The following RBMS3 variants were observed in gnomAD, a reference collection of about 807,000 sequenced individuals.
RBMS3 encodes the protein RNA-binding motif, single-stranded-interacting protein 3.
A neutral mutation model predicts 66.8 loss-of-function variants in RBMS3; 27 were observed. That is an observed-to-expected ratio of 0.40 (90% CI 0.30 to 0.56). The LOEUF is 0.56. RBMS3 is among the 20% of genes least tolerant of loss of function. RBMS3 has a pLI of 0.40. For synonymous variants in RBMS3, 188 were observed against 183.0 expected, an observed-to-expected ratio of 1.03 and a Z score of -0.22; for missense variants, 513 against 549.5, an observed-to-expected ratio of 0.93 and a Z score of 0.66.
intron 3 of RBMS3, among the ~76,000 whole-genome samples, chr3:29,520,752 A>C (rs941224785): frequency 5.3e-5 from 8 of 152,140 alleles, no homozygotes; most frequent in Non-Finnish European, 1.0e-4. Context: ...TTTCTTTGTG[A>C]TATTAAAAAT....
intron 3 of RBMS3, among the ~76,000 whole-genome samples, chr3:29,563,554 C>G (rs1255531897): frequency 6.6e-6 from 1 of 152,210 alleles, no homozygotes; most frequent in Admixed American, 6.5e-5. Context: ...GCCCATAGTA[C>G]TAATTACACG....
chr3:29,806,163 G>A (rs891062844), intron 6 of RBMS3, among the ~76,000 whole-genome samples: 5 of 151,960 alleles, frequency 3.3e-5, no homozygotes, highest in South Asian at 4.1e-4. Context: ...CAGAGAACTC[G>A]AAACCTACAG....
At chr3:29,308,619 G>A (rs562007661) in intron 1 of RBMS3, among the ~76,000 whole-genome samples, 6 of 151,502 alleles carry the variant, frequency 4.0e-5, no homozygotes, top group Admixed American at 3.3e-4. Context: ...GAGGATGTGC[G>A]ATTTGATATG....
intron 1 of RBMS3, among the ~76,000 whole-genome samples, chr3:29,407,154 A>G (rs1358479848): frequency 1.3e-5 from 2 of 152,242 alleles, no homozygotes; most frequent in Non-Finnish European, 2.9e-5. Context: ...ACAAATGATA[A>G]CAATGACCAA....
chr3:29,784,903 C>A (rs2056767962), intron 6 of RBMS3, among the ~76,000 whole-genome samples: 2 of 151,980 alleles, frequency 1.3e-5, no homozygotes, highest in Non-Finnish European at 2.9e-5. Flanking sequence ...TACAGGAACA[C>A]CTTTACATGC....
At chr3:29,990,460 C>CA (rs10596526) in intron 13 of RBMS3, among the ~76,000 whole-genome samples, 1,274 of 106,494 alleles carry the variant, frequency 0.012, 12 homozygotes, top group Middle Eastern at 0.033. Flanking sequence ...CTGTGAGAAA[C>CA]AAAAAAAAAA....
intron 4 of RBMS3, among the ~76,000 whole-genome samples, chr3:29,633,697 TACTC>T (rs1219076476): frequency 9.2e-5 from 14 of 151,844 alleles, no homozygotes; most frequent in Admixed American, 5.3e-4. Flanking sequence ...CATCTTTGCC[TACTC>T]AAATTCCCAG....
chr3:30,009,604 C>T lies in RBMS3; in HGVS notation c.*5742C>T, dbSNP rs1181097273. 1 of 152,164 alleles carries T rather than the reference C, an allele frequency of 6.6e-6. No homozygotes were observed. The highest frequency in any genetic ancestry group is 1.5e-5 in the Non-Finnish European group (1 of 67,998). 9.4% of individuals were successfully genotyped at this position (152,164 alleles called of 1,614,324 possible). ...GAACCAGTAGCACGGATCAACACGA[C>T]TTCTGCAATGAGAGTATAACGGTAG... On this transcript the variant is annotated 3_prime_UTR_variant, in exon 15 of 15. Transcript: ENST00000383767.
At chr3:29,348,654 T>C (rs1297338369) in intron 1 of RBMS3, among the ~76,000 whole-genome samples, 2 of 152,134 alleles carry the variant, frequency 1.3e-5, no homozygotes, top group Non-Finnish European at 2.9e-5. Flanking sequence ...GGCTTACTCT[T>C]TGCTTTTCAC....
chr3:29,356,942 G>A (rs950213298), intron 1 of RBMS3, among the ~76,000 whole-genome samples: 1 of 152,074 alleles, frequency 6.6e-6, no homozygotes, highest in Admixed American at 6.6e-5. Flanking sequence ...CTTACATCGA[G>A]TGCAGCTTTA....
intron 3 of RBMS3, chr3:29,526,120 A>G (rs2045085051): frequency 6.6e-6 from 1 of 152,218 alleles, no homozygotes; most frequent in African/African-American, 2.4e-5. Context: ...CCTGGGCATC[A>G]TCTGGGAGCT....
chr3:29,966,204 C>T (rs1222120010), intron 12 of RBMS3, among the ~76,000 whole-genome samples: 1 of 151,928 alleles, frequency 6.6e-6, no homozygotes, highest in African/African-American at 2.4e-5. Context: ...TGGGCTCTTT[C>T]TTGGTTCCAT....
rs1267062195 is a variant in RBMS3, at chr3:29,326,792, G to T, written c.75+45036G>T. Among the ~76,000 whole-genome samples the T allele has an allele frequency of 2.0e-5, 3 of 150,684 alleles. No individual in the cohort carries two copies. The East Asian group carries it at 5.9e-4, about 30-fold the overall frequency. ...TGTCGCCAGGCTGGAGTGCAGTGGC[G>T]CAATCTCACCTCACTGCAACCTCCA... On this transcript the variant is annotated intron_variant, in intron 1 of 14. Coordinates refer to ENST00000383767, the MANE Select transcript of RBMS3 (RefSeq NM_001003793.3).
intron 3 of RBMS3, among the ~76,000 whole-genome samples, chr3:29,562,968 C>G (rs1321266846): frequency 6.6e-6 from 1 of 151,968 alleles, no homozygotes; most frequent in Non-Finnish European, 1.5e-5. Context: ...GGAGACATGT[C>G]TGGAAGAAAA....
Position 29,805,113 on chromosome 3 carries a change from T to C in RBMS3, c.637+42124T>C, listed in dbSNP as rs1294807045. ...CATGCATTGCATAACAACCTCTTGG[T>C]TAATGATGGACTGTGTATATGATGG... On this transcript the variant is annotated intron_variant, in intron 6 of 14. Transcript: ENST00000383767. Among the ~76,000 whole-genome samples, 6 of 152,176 alleles carry C rather than the reference T, an allele frequency of 3.9e-5. 1 individual carries two copies. Among genetic ancestry groups the C allele is most frequent in the African/African-American group, 1.4e-4 (6 of 41,552 alleles).
At chr3:29,285,629 G>A (rs1370981072) in intron 1 of RBMS3, among the ~76,000 whole-genome samples, 2 of 152,084 alleles carry the variant, frequency 1.3e-5, no homozygotes, top group African/African-American at 4.8e-5. Flanking sequence ...TTTCTTGGCT[G>A]GTGATACTCA....
At chr3:30,002,488 T>G (rs976387611) in intron 14 of RBMS3, among the ~76,000 whole-genome samples, 14 of 152,038 alleles carry the variant, frequency 9.2e-5, no homozygotes, top group African/African-American at 3.1e-4. Flanking sequence ...AGTCTATAGT[T>G]TGCAAAGCTA....
intron 6 of RBMS3, among the ~76,000 whole-genome samples, chr3:29,825,407 C>T (rs2058185683): frequency 1.3e-5 from 2 of 152,056 alleles, no homozygotes; most frequent in African/African-American, 4.8e-5. Flanking sequence ...TTTCCCCACC[C>T]AAATCTCATC....
chr3:29,920,449 A>C (rs2060741881), intron 10 of RBMS3, among the ~76,000 whole-genome samples: 1 of 152,202 alleles, frequency 6.6e-6, no homozygotes, highest in Non-Finnish European at 1.5e-5. Flanking sequence ...GGTAAATAAA[A>C]AGTTTTCTGT....
Sources: allele counts gnomAD v4.1 joint callset (sites outside exome capture counted in the v4.1 genomes callset), GRCh38; gene constraint gnomAD v4.1.1; transcripts MANE v1.5; gene names NCBI Gene and HGNC (gene_info 2026-07-23, HGNC 2026-07-21).